Variants in PPP1R37 observed in about 807,000 individuals in gnomAD.
The protein encoded by PPP1R37 is protein phosphatase 1 regulatory subunit 37, also known as leucine rich repeat containing 68.
Under a neutral mutation model 61.0 loss-of-function variants are expected in PPP1R37, and 21 were observed. The observed-to-expected ratio is 0.34, with a 90% CI of 0.24 to 0.50. The LOEUF (loss-of-function observed/expected upper bound fraction) is 0.50, where lower values mean the gene tolerates loss of function less well. PPP1R37 is among the 20% of genes least tolerant of loss of function. The pLI is 0.98. For synonymous variants in PPP1R37, 443 were observed against 433.5 expected, an observed-to-expected ratio of 1.02 and a Z score of -0.27; for missense variants, 910 against 952.7, an observed-to-expected ratio of 0.96 and a Z score of 0.59.
At chr19:45,132,048 C>T (rs559954996) in intron 1 of PPP1R37, among the ~76,000 whole-genome samples, 1 of 152,278 alleles carries the variant, frequency 6.6e-6, no homozygotes, top group East Asian at 1.9e-4. Flanking sequence ...CAACACATGC[C>T]TGCTTTGTAG....
In PPP1R37 at chr19:45,130,444, GAGCCTGCTCCCACCGTCACACTTA is replaced by G. The variant is rs1390101770; in HGVS notation, c.203-8062_203-8039del. On this transcript the variant is annotated intron_variant, in intron 1 of 12. Transcript: ENST00000221462. This position sits in a 1 kb window ranked among gnomAD's most constrained non-coding sequence, Gnocchi z 4.4. ...TCCCCTCCCGGTGTGCTTTGGCGCC[GAGCCTGCTCCCACCGTCACACTTA>G]AGCCTGCCCCAGTGGTTGCTGCCTG... 6.6e-6 allele frequency among the ~76,000 whole-genome samples: 1 copy of G among 152,044 alleles called. No homozygotes were observed. The highest frequency in any genetic ancestry group is 1.5e-5 in the Non-Finnish European group (1 of 68,014).
intron 1 of PPP1R37, among the ~76,000 whole-genome samples, chr19:45,131,139 CA>C (rs1209043471): frequency 6.6e-6 from 1 of 152,204 alleles, no homozygotes; most frequent in Non-Finnish European, 1.5e-5. Context: ...TGCCCGGCGT[CA>C]GGTTTCTCTC....
At chr19:45,127,864 A>G (rs1381134124) in intron 1 of PPP1R37, among the ~76,000 whole-genome samples, 1 of 151,654 alleles carries the variant, frequency 6.6e-6, no homozygotes. Context: ...AGTTCCATCT[A>G]CTAGGGAGGC....
At chr19:45,095,792 A>G (rs1181405295) in intron 1 of PPP1R37, among the ~76,000 whole-genome samples, 2 of 149,896 alleles carry the variant, frequency 1.3e-5, no homozygotes, top group African/African-American at 4.9e-5. Context: ...TTTTGGCACT[A>G]GGAGCCAGCC....
At chr19:45,097,234 G>A (rs1213500198) in intron 1 of PPP1R37, among the ~76,000 whole-genome samples, 1 of 151,980 alleles carries the variant, frequency 6.6e-6, no homozygotes, top group African/African-American at 2.4e-5. Context: ...TAAGCTGTGG[G>A]GAGGGACAGG....
intron 1 of PPP1R37, among the ~76,000 whole-genome samples, chr19:45,118,582 C>T (rs1968299088): frequency 6.6e-6 from 1 of 152,186 alleles, no homozygotes; most frequent in Non-Finnish European, 1.5e-5. Context: ...CCTGAGATAA[C>T]TGCGTAGTAA....
rs774447127 is a variant in PPP1R37 at position 45,145,690 on chromosome 19, C to T, written c.1634C>T (p.Pro545Leu). The change falls in exon 11 of 13, where the codon CCC becomes CTC. Residue 545 changes from proline to leucine, a missense_variant. By Grantham distance (98) the Pro-to-Leu change is moderately conservative. Coordinates refer to ENST00000221462, the MANE Select transcript of PPP1R37 (RefSeq NM_019121.2). The stretch of plus-strand genomic sequence containing the variant: ...TCCCTGGGCCCTGGGGACAGGAGTC[C>T]CCCAGGCAGCCCCTCCACACCCACC... Reference protein sequence around the residue: ...TDSLGPGDRSPPGSPSTPTEQ... With the variant: ...TDSLGPGDRSLPGSPSTPTEQ... 3 of 1,534,514 alleles carry T rather than the reference C, an allele frequency of 2.0e-6. No individual in the cohort carries two copies. Among genetic ancestry groups the T allele is most frequent in the Admixed American group, 3.9e-5 (2 of 50,778 alleles).
Position 45,140,424 on chromosome 19 carries a change from G to A in PPP1R37, c.347-82G>A, listed in dbSNP as rs372629603. 67 of 1,259,392 alleles carry A rather than the reference G, an allele frequency of 5.3e-5. No individual in the cohort carries two copies. In the African/African-American group the frequency reaches 9.1e-4, roughly 17 times the overall value. 78.0% of individuals were successfully genotyped at this position (1,259,392 alleles called of 1,614,324 possible). The stretch of plus-strand genomic sequence containing the variant: ...GCAGGGGCTGGGCCTGGTGGGGGGT[G>A]GGAGGTTGGGGGCAGAGGGCCCTTC... On this transcript the variant is annotated intron_variant, in intron 3 of 12. Transcript: ENST00000221462.
chr19:45,124,630 C>G (rs1021498194), intron 1 of PPP1R37, among the ~76,000 whole-genome samples: 8 of 152,024 alleles, frequency 5.3e-5, no homozygotes, highest in African/African-American at 1.9e-4. Flanking sequence ...TCAGAGCCAT[C>G]CCTGTCTCCC....
At chr19:45,138,902 A>AT (rs1968572009) in intron 2 of PPP1R37, among the ~76,000 whole-genome samples, 56 of 90,668 alleles carry the variant, frequency 6.2e-4, no homozygotes, top group South Asian at 3.4e-4. Context: ...AAATTTATGT[A>AT]TTCTTTTTTT....
intron 1 of PPP1R37, among the ~76,000 whole-genome samples, chr19:45,111,617 T>G (rs1043774203): frequency 3.3e-5 from 5 of 152,164 alleles, no homozygotes; most frequent in African/African-American, 1.2e-4. Flanking sequence ...GTAATGTACA[T>G]GTAAGTTGTT....
In PPP1R37 at chr19:45,093,447, C is replaced by T. The variant is rs943630256; in HGVS notation, c.122C>T (p.Ala41Val). The stretch of plus-strand genomic sequence containing the variant: ...CCCCCCGCCGATGGGCGCCTCAAGG[C>T]TGCAGCCAAGCGCGTCACATTCCCG... The part of the protein sequence containing the change: ...ASPPADGRLK[A>V]AAKRVTFPSD... Residue 41 changes from alanine (A) to valine (V), a missense_variant, in exon 1 of 13, where the codon GCT (alanine) becomes GTT (valine). By Grantham distance (64) the Ala-to-Val change is moderately conservative. Coordinates refer to ENST00000221462, the MANE Select transcript of PPP1R37 (RefSeq NM_019121.2). 3.9e-6 allele frequency: 6 copies of T among 1,535,456 alleles called. No homozygotes were observed. Among genetic ancestry groups the T allele is most frequent in the Non-Finnish European group, 5.2e-6 (6 of 1,146,712 alleles).
At chr19:45,122,609 A>AG (rs1279677292) in intron 1 of PPP1R37, among the ~76,000 whole-genome samples, 1 of 152,144 alleles carries the variant, frequency 6.6e-6, no homozygotes, top group Non-Finnish European at 1.5e-5. Context: ...GAGGGTGGCC[A>AG]GGGAAGGCCT....
rs1272104026 is a variant in PPP1R37, at chr19:45,146,754, C to T, written c.*192C>T. 3.1e-5 allele frequency: 12 copies of T among 388,564 alleles called. No individual in the cohort carries two copies. In the East Asian group the frequency reaches 5.4e-4, roughly 18 times the overall value. 24.1% of individuals were successfully genotyped at this position (388,564 alleles called of 1,614,324 possible). ...AGGGAGTGGCCCTCCGCGCGTGACTCAAGCACTTCTATTTATGAGCCCAGC... is the reference window on the plus strand; with the variant it reads ...AGGGAGTGGCCCTCCGCGCGTGACTTAAGCACTTCTATTTATGAGCCCAGC... On this transcript the variant is annotated 3_prime_UTR_variant, in exon 13 of 13. Coordinates refer to ENST00000221462, the MANE Select transcript of PPP1R37 (RefSeq NM_019121.2).
intron 1 of PPP1R37, among the ~76,000 whole-genome samples, chr19:45,115,155 A>G (rs1968249985): frequency 1.3e-5 from 2 of 152,172 alleles, no homozygotes; most frequent in African/African-American, 4.8e-5. Context: ...GAGAGAGGGA[A>G]GTGTGGGAAA....
chr19:45,094,556 G>A (rs1967967473), intron 1 of PPP1R37, among the ~76,000 whole-genome samples: 1 of 152,186 alleles, frequency 6.6e-6, no homozygotes, highest in Non-Finnish European at 1.5e-5. Context: ...GGGAAACCCC[G>A]TCTCTACTAA....
chr19:45,103,136 G>A (rs939958413), intron 1 of PPP1R37, among the ~76,000 whole-genome samples: 1 of 152,174 alleles, frequency 6.6e-6, no homozygotes. Flanking sequence ...CCCTCCGCAG[G>A]GTCTCACACT....
chr19:45,099,942 G>A (rs1326116953), intron 1 of PPP1R37: 1 of 152,234 alleles, frequency 6.6e-6, no homozygotes, highest in African/African-American at 2.4e-5. Context: ...GCTGGCACTC[G>A]GTAACCAGCC....
In PPP1R37 at chr19:45,145,053, G is replaced by A. The variant is rs777006447; in HGVS notation, c.1130-41G>A. On this transcript the variant is annotated intron_variant, in intron 9 of 12. Transcript: ENST00000221462. ...GGTGGGCTCAGCCGGGCGGCCAGCCGGGTGTGGGGCCCGTGGCCAGCCCCT... is the reference window on the plus strand; with the variant it reads ...GGTGGGCTCAGCCGGGCGGCCAGCCAGGTGTGGGGCCCGTGGCCAGCCCCT... The A allele has an allele frequency of 3.5e-5, 53 of 1,521,272 alleles. No homozygotes were observed. The African/African-American group carries it at 6.7e-4, about 19-fold the overall frequency. The allele number at this position is 1,521,272 out of a possible 1,614,324, so 94.2% of individuals were successfully genotyped here.
Sources: allele counts gnomAD v4.1 joint callset (sites outside exome capture counted in the v4.1 genomes callset), GRCh38; gene constraint gnomAD v4.1.1; non-coding constraint Gnocchi (gnomAD v3.1); transcripts MANE v1.5; gene names NCBI Gene and HGNC (gene_info 2026-07-23, HGNC 2026-07-21).